WDPCP: variants seen among roughly 807,000 people sequenced by gnomAD.
WDPCP encodes WD repeat containing planar cell polarity effector.
WDPCP carries 71 observed loss-of-function variants against 93.1 expected under a neutral mutation model. The ratio of observed to expected loss-of-function variants is 0.76; its 90% CI spans 0.63 to 0.93. The LOEUF is 0.93. Ranked by LOEUF, WDPCP falls within the 40% of genes least tolerant of loss-of-function variation. WDPCP has a pLI of 0.00. For synonymous variants in WDPCP, 315 were observed against 315.0 expected (o/e 1.00, Z 0.00); for missense variants, 844 against 887.4 (o/e 0.95, Z 0.62).
At chr2:63,437,392 AAT>A (rs1697205723) in intron 8 of WDPCP, 27 bp downstream of exon 8, 1 of 1,523,924 alleles carries the variant, frequency 6.6e-7, no homozygotes, top group South Asian at 1.2e-5. Flanking sequence ...AATAATTAAT[AAT>A]ATGACTATAT....
At chr2:63,414,605 T>A (rs1482472439) in intron 9 of WDPCP, among the ~76,000 whole-genome samples, 1 of 152,156 alleles carries the variant, frequency 6.6e-6, no homozygotes, top group Non-Finnish European at 1.5e-5. Context: ...AGACTATTAT[T>A]CTAAGTGAAG....
chr2:63,758,101 T>A (rs538354512), intron 2 of WDPCP, among the ~76,000 whole-genome samples: 5 of 152,236 alleles, frequency 3.3e-5, no homozygotes, highest in Admixed American at 2.6e-4. Flanking sequence ...TTGGTTTTTT[T>A]TTTTTTTATA....
At chr2:63,656,365 G>C (rs1371807073) in intron 2 of WDPCP, among the ~76,000 whole-genome samples, 1 of 152,162 alleles carries the variant, frequency 6.6e-6, no homozygotes, top group Non-Finnish European at 1.5e-5. Flanking sequence ...TTGGTGGCTT[G>C]GAAGTCACAG....
chr2:63,161,323 G>A lies in WDPCP; in HGVS notation c.2079-7749C>T, dbSNP rs76477349. On this transcript the variant is annotated intron_variant, in intron 15 of 17. Coordinates refer to ENST00000272321, the MANE Select transcript of WDPCP (RefSeq NM_015910.7). ...ATAAATGGCGCCATATTCCTTATGT[G>A]CTTTTCACTTTCCATAATTCCCTCT... is the stretch of plus-strand genomic sequence containing the variant. 3.8e-3 allele frequency among the ~76,000 whole-genome samples: 578 copies of A among 152,260 alleles called. 1 individual carries two copies. The highest frequency in any genetic ancestry group is 6.3e-3 in the Non-Finnish European group (427 of 68,022).
chr2:63,623,685 A>G (rs1334088955), intron 3 of WDPCP, among the ~76,000 whole-genome samples: 1 of 152,194 alleles, frequency 6.6e-6, no homozygotes, highest in African/African-American at 2.4e-5. Context: ...AGATTCATAA[A>G]GCAAGTTCTT....
At chr2:63,374,737 T>C (rs1053994765) in intron 12 of WDPCP, among the ~76,000 whole-genome samples, 7 of 152,180 alleles carry the variant, frequency 4.6e-5, no homozygotes, top group African/African-American at 1.7e-4. Context: ...CATCTTACTG[T>C]AAAAATTTCC....
At chr2:63,164,205 A>G (rs17027651) in intron 15 of WDPCP, among the ~76,000 whole-genome samples, 15,795 of 152,176 alleles carry the variant, frequency 0.1, 962 homozygotes, top group South Asian at 0.17. Flanking sequence ...GGCTGTACCT[A>G]ATCTAATTAT....
At chr2:63,762,767 A>G (rs549617660) in intron 2 of WDPCP, among the ~76,000 whole-genome samples, 1 of 152,196 alleles carries the variant, frequency 6.6e-6, no homozygotes, top group Non-Finnish European at 1.5e-5. Flanking sequence ...TAAACCACTC[A>G]TGAGGGCAGA....
chr2:63,167,264 C>A (rs1673062874), intron 15 of WDPCP, among the ~76,000 whole-genome samples: 1 of 152,170 alleles, frequency 6.6e-6, no homozygotes, highest in Non-Finnish European at 1.5e-5. Context: ...GTTTGCCAAT[C>A]CCTGCTCTGC....
intron 3 of WDPCP, chr2:63,605,495 C>T (rs956326359): frequency 2.4e-6 from 2 of 819,368 alleles, no homozygotes; most frequent in African/African-American, 3.5e-5. Flanking sequence ...AGGTTAGGTT[C>T]ATTTCTCAGC....
At chr2:63,678,342 A>G (rs939903636) in intron 2 of WDPCP, among the ~76,000 whole-genome samples, 5 of 152,208 alleles carry the variant, frequency 3.3e-5, no homozygotes, top group South Asian at 2.1e-4. Context: ...CCAAAACCAC[A>G]TATCAAACTG....
intron 6 of WDPCP, among the ~76,000 whole-genome samples, chr2:63,467,799 A>T (rs1026126694): frequency 2.2e-5 from 3 of 135,686 alleles, no homozygotes; most frequent in Non-Finnish European, 4.7e-5. Context: ...AAAAAAAAAA[A>T]ATTGCCCAAG....
upstream of WDPCP, among the ~76,000 whole-genome samples, chr2:63,831,065 C>T (rs1671185365): frequency 1.3e-5 from 2 of 152,132 alleles, no homozygotes; most frequent in Admixed American, 1.3e-4. Flanking sequence ...AAAATGGTCC[C>T]ATGGTTAACT....
chr2:63,370,621 G>A (rs956492003), intron 12 of WDPCP, among the ~76,000 whole-genome samples: 3 of 151,824 alleles, frequency 2.0e-5, no homozygotes, highest in Non-Finnish European at 4.4e-5. Flanking sequence ...AACCTCACTT[G>A]CAAAAAACAT....
At chr2:63,408,337 T>C (rs899432613) in intron 9 of WDPCP, among the ~76,000 whole-genome samples, 1 of 152,118 alleles carries the variant, frequency 6.6e-6, no homozygotes, top group African/African-American at 2.4e-5. Flanking sequence ...GAAGGTCTGT[T>C]TGTAGGAGAG....
intron 2 of WDPCP, among the ~76,000 whole-genome samples, chr2:63,705,088 A>C (rs1250047376): frequency 1.3e-5 from 2 of 152,104 alleles, no homozygotes; most frequent in Non-Finnish European, 2.9e-5. Flanking sequence ...ATTTGCATAG[A>C]GGTGTTTATA....
At chr2:63,776,555 C>G (rs1327007964) in intron 2 of WDPCP, among the ~76,000 whole-genome samples, 1 of 147,882 alleles carries the variant, frequency 6.8e-6, no homozygotes, top group Non-Finnish European at 1.5e-5. Context: ...ACCAGGAAGG[C>G]TGAGATAAGA....
chr2:63,313,617 A>G (rs1686357694), intron 12 of WDPCP, among the ~76,000 whole-genome samples: 1 of 151,946 alleles, frequency 6.6e-6, no homozygotes, highest in African/African-American at 2.4e-5. Flanking sequence ...AGTACCTCCT[A>G]TATTTGCCTG....
In WDPCP at chr2:63,366,498, T is replaced by C. The variant is rs543375084; in HGVS notation, c.1748+11888A>G. ...ATCTCTACAACACTGTCATCAATAA[T>C]AGTTAGCACTCATTGTGCCCTTATT... On this transcript the variant is annotated intron_variant, in intron 12 of 17. Coordinates refer to ENST00000272321, the MANE Select transcript of WDPCP (RefSeq NM_015910.7). Among the ~76,000 whole-genome samples, 3 of 141,614 alleles carry C rather than the reference T, an allele frequency of 2.1e-5. No homozygotes were observed. In the East Asian group the frequency reaches 6.4e-4, roughly 30 times the overall value. 92.9% of individuals were successfully genotyped at this position (141,614 alleles called of 152,430 possible).
Sources: allele counts gnomAD v4.1 joint callset (sites outside exome capture counted in the v4.1 genomes callset), GRCh38; gene constraint gnomAD v4.1.1; transcripts MANE v1.5; gene names NCBI Gene and HGNC (gene_info 2026-07-23, HGNC 2026-07-21).